Variants in TRMT9B observed in about 807,000 individuals in gnomAD.
TRMT9B encodes the protein tRNA methyltransferase 9B (putative), also known as probable tRNA methyltransferase 9B.
TRMT9B carries 16 observed loss-of-function variants against 11.5 expected under a neutral mutation model. The observed-to-expected ratio is 1.39, with a 90% confidence interval of 0.94 to 2.11. The LOEUF (loss-of-function observed/expected upper bound fraction) is 2.11. Ranked by LOEUF, TRMT9B falls within the 30% of genes most tolerant of loss-of-function variation. The pLI, the probability that TRMT9B is intolerant of heterozygous loss-of-function variation, is 0.00. For missense variants in TRMT9B, 941 were observed against 553.8 expected, an observed-to-expected ratio of 1.70 and a Z score of -7.02; for synonymous variants, 274 against 192.4, an observed-to-expected ratio of 1.42 and a Z score of -3.51.
intron 2 of TRMT9B, among the ~76,000 whole-genome samples, chr8:13,003,311 A>G (rs75603948): frequency 0.016 from 2,498 of 152,244 alleles, 60 homozygotes; most frequent in African/African-American, 0.055. Context: ...CTTCCCTGGG[A>G]TACCACTCAC....
At chr8:12,951,086 T>C (rs2977090) in intron 1 of TRMT9B, among the ~76,000 whole-genome samples, 83,461 of 152,002 alleles carry the variant, frequency 0.55, 24,800 homozygotes, top group African/African-American at 0.77. Context: ...GCTATTGTCA[T>C]AGAAGCAATG....
At chr8:13,003,590 T>A (rs74380008) in intron 2 of TRMT9B, among the ~76,000 whole-genome samples, 110 of 151,658 alleles carry the variant, frequency 7.3e-4, no homozygotes, top group African/African-American at 2.6e-3. Flanking sequence ...GGAAAGATGG[T>A]GAGAAATAAC....
In TRMT9B at chr8:13,021,642, G is replaced by T. The variant is rs1166532784; in HGVS notation, c.963G>T (p.Leu321Phe). The T allele has an allele frequency of 2.1e-5, 34 of 1,613,648 alleles. No individual in the cohort carries two copies. The highest frequency in any genetic ancestry group is 2.8e-5 in the Non-Finnish European group (33 of 1,179,746). ...TGGAATCTTCTTCTGGAAAACACTT[G>T]GAGTGGCTGAGAGCACCAGGCACTC... The part of the protein sequence containing the change: ...VFVESSSGKH[L>F]EWLRAPGTLK... The change falls in exon 5 of 5, where the codon TTG becomes TTT. Residue 321 changes from leucine (L) to phenylalanine (F), a missense_variant. By Grantham distance (22) the Leu-to-Phe change is conservative. Transcript: ENST00000524591.
At chr8:12,972,014 C>T (rs557705198) in intron 1 of TRMT9B, among the ~76,000 whole-genome samples, 1 of 152,264 alleles carries the variant, frequency 6.6e-6, no homozygotes, top group African/African-American at 2.4e-5. Flanking sequence ...TTATTGTTTT[C>T]ATGTTTTGCA....
At chr8:12,992,475 T>A (rs762318547) in intron 2 of TRMT9B, among the ~76,000 whole-genome samples, 3 of 151,776 alleles carry the variant, frequency 2.0e-5, no homozygotes, top group Non-Finnish European at 4.4e-5. Context: ...GAGGTGTAGG[T>A]TCTAGACTTG....
intron 4 of TRMT9B, among the ~76,000 whole-genome samples, chr8:13,014,001 G>A (rs1457780318): frequency 6.6e-6 from 1 of 152,130 alleles, no homozygotes; most frequent in Non-Finnish European, 1.5e-5. Context: ...ATCCAAGAAA[G>A]ATGATCTTTT....
In TRMT9B at chr8:13,023,801, A is replaced by G. The variant is rs1365823298; in HGVS notation, c.*1757A>G. On this transcript the variant is annotated 3_prime_UTR_variant, in exon 5 of 5. Transcript: ENST00000524591. ...GATTGTGCTATAACTTAAAATAATG[A>G]TGTTACTTTTGAACAAACTTAAAGA... 6.0e-6 allele frequency: 1 copy of G among 166,492 alleles called. No individual in the cohort carries two copies. Among genetic ancestry groups the G allele is most frequent in the Non-Finnish European group, 1.5e-5 (1 of 68,108 alleles). 10.3% of individuals were successfully genotyped at this position (166,492 alleles called of 1,614,324 possible).
chr8:12,950,362 C>T (rs1053655181), intron 1 of TRMT9B, among the ~76,000 whole-genome samples: 2 of 152,134 alleles, frequency 1.3e-5, no homozygotes, highest in Non-Finnish European at 2.9e-5. Flanking sequence ...TTTAGGTATG[C>T]TTTGTCTCCT....
intron 1 of TRMT9B, among the ~76,000 whole-genome samples, chr8:12,988,515 G>A (rs1003734467): frequency 2.0e-5 from 3 of 152,140 alleles, no homozygotes; most frequent in African/African-American, 7.2e-5. Context: ...CATGGCTGGG[G>A]AGGCCTCAGG....
chr8:12,956,917 G>T lies in TRMT9B; in HGVS notation c.-200+10951G>T, dbSNP rs921706950. Among the ~76,000 whole-genome samples the T allele has an allele frequency of 4.6e-5, 7 of 152,188 alleles. No homozygotes were observed. In the East Asian group the frequency reaches 1.2e-3, roughly 25 times the overall value. The stretch of plus-strand genomic sequence containing the variant: ...TAAGCAGTAAATTACCAGTTTATTT[G>T]CACTCACAAATTACATTAGCACATC... On this transcript the variant is annotated intron_variant, in intron 1 of 4. Transcript: ENST00000524591.
intron 1 of TRMT9B, among the ~76,000 whole-genome samples, chr8:12,987,646 G>A (rs557680334): frequency 5.9e-4 from 90 of 151,922 alleles, no homozygotes; most frequent in Middle Eastern, 3.4e-3. Flanking sequence ...GAGCTACGAT[G>A]GTGCCACTGC....
At chr8:12,984,391 C>G (rs1030907455) in intron 1 of TRMT9B, among the ~76,000 whole-genome samples, 1 of 152,146 alleles carries the variant, frequency 6.6e-6, no homozygotes, top group African/African-American at 2.4e-5. Flanking sequence ...GTCACGTTTC[C>G]CCTTAATTCA....
chr8:13,021,596 G>T lies in TRMT9B; in HGVS notation c.917G>T (p.Ser306Ile), dbSNP rs927184929. The T allele has an allele frequency of 6.2e-7, 1 of 1,613,906 alleles. No homozygotes were observed. Among genetic ancestry groups the T allele is most frequent in the South Asian group, 1.1e-5 (1 of 91,076 alleles). The change falls in exon 5 of 5, where the codon AGT (serine) becomes ATT (isoleucine). Residue 306 changes from serine to isoleucine, a missense_variant. Physicochemically the swap from Ser to Ile is moderately radical, Grantham distance 142. Coordinates refer to ENST00000524591, the MANE Select transcript of TRMT9B (RefSeq NM_020844.3). Reference protein sequence around the residue: ...HQEPFSTKGQSLDEEVFVESS... With the variant: ...HQEPFSTKGQILDEEVFVESS... Reference sequence around the variant, plus strand: ...GAGCCATTTTCAACAAAAGGGCAAAGTTTAGATGAGGAAGTGTTTGTGGAA... The same window carrying T: ...GAGCCATTTTCAACAAAAGGGCAAATTTTAGATGAGGAAGTGTTTGTGGAA...
chr8:13,019,088 A>G (rs189514782), intron 4 of TRMT9B, among the ~76,000 whole-genome samples: 5 of 152,112 alleles, frequency 3.3e-5, no homozygotes, highest in African/African-American at 4.8e-5. Flanking sequence ...AGTCTGGAGT[A>G]TTGATTTGGG....
At chr8:13,006,651 A>G in intron 3 of TRMT9B, 26 of 1,346,652 alleles carry the variant, frequency 1.9e-5, no homozygotes, top group Non-Finnish European at 2.4e-5. Context: ...CAAGTAAAAA[A>G]CTTTCTCAAA....
At chr8:12,997,077 T>C (rs1399605919) in intron 2 of TRMT9B, among the ~76,000 whole-genome samples, 1 of 152,060 alleles carries the variant, frequency 6.6e-6, no homozygotes, top group African/African-American at 2.4e-5. Flanking sequence ...CAACAGTGTG[T>C]ATTCTTTTGT....
At chr8:12,954,049 G>C (rs768408271) in intron 1 of TRMT9B, among the ~76,000 whole-genome samples, 8 of 152,162 alleles carry the variant, frequency 5.3e-5, no homozygotes, top group Non-Finnish European at 1.0e-4. Flanking sequence ...TTCCAAGGTA[G>C]TTCAAAGGTT....
chr8:12,963,307 T>C (rs1193910252), intron 1 of TRMT9B, among the ~76,000 whole-genome samples: 6 of 151,908 alleles, frequency 3.9e-5, no homozygotes. Context: ...GTGGCATGCG[T>C]CTGTAATCCC....
At chr8:13,013,119 A>C (rs757651191) in intron 4 of TRMT9B, among the ~76,000 whole-genome samples, 9 of 152,250 alleles carry the variant, frequency 5.9e-5, no homozygotes, top group Non-Finnish European at 1.0e-4. Flanking sequence ...CTTTTGAGTA[A>C]GAAAGGATTA....
Sources: gnomAD v4.1 joint callset for allele counts (sites outside exome capture counted in the v4.1 genomes callset) on GRCh38, gnomAD v4.1.1 for gene constraint, MANE v1.5 for transcripts, NCBI Gene and HGNC (gene_info 2026-07-23, HGNC 2026-07-21) for gene names.